The following ADAM12 variants were observed in gnomAD, a reference collection of about 807,000 sequenced individuals.
ADAM12 encodes the protein disintegrin and metalloproteinase domain-containing protein 12.
ADAM12 carries 70 observed loss-of-function variants against 106.4 expected under a neutral mutation model. The ratio of observed to expected loss-of-function variants is 0.66; its 90% confidence interval spans 0.54 to 0.80. ADAM12 has a LOEUF of 0.80. Ranked by LOEUF, ADAM12 falls within the 30% of genes least tolerant of loss-of-function variation. The pLI is 0.00. For missense variants in ADAM12, 1,010 were observed against 1,171.9 expected, an observed-to-expected ratio of 0.86 and a Z score of 2.02; for synonymous variants, 420 against 433.5, an observed-to-expected ratio of 0.97 and a Z score of 0.39.
intron 22 of ADAM12, 69 bp downstream of exon 22, chr10:126,019,626 T>G: frequency 1.3e-6 from 2 of 1,565,342 alleles, no homozygotes; most frequent in Non-Finnish European, 1.7e-6. Context: ...TGTCCTGGCT[T>G]GGATTAGTCG....
chr10:126,350,312 T>G (rs1275157254), intron 1 of ADAM12, among the ~76,000 whole-genome samples: 1 of 152,224 alleles, frequency 6.6e-6, no homozygotes, highest in Non-Finnish European at 1.5e-5. Flanking sequence ...GTTTTTCAAC[T>G]TGACAGTATC....
chr10:126,368,356 G>GT (rs34317249), intron 1 of ADAM12, among the ~76,000 whole-genome samples: 4,840 of 118,390 alleles, frequency 0.041, 210 homozygotes, highest in African/African-American at 0.11. Flanking sequence ...TGTGTGATTT[G>GT]TTTTTTTTTT....
chr10:126,302,428 A>G (rs1245268195), intron 2 of ADAM12, among the ~76,000 whole-genome samples: 2 of 152,216 alleles, frequency 1.3e-5, no homozygotes, highest in East Asian at 3.8e-4. Flanking sequence ...GTCTTTTATT[A>G]TACGATACTT....
At chr10:126,282,957 A>G (rs2133762501) in intron 2 of ADAM12, among the ~76,000 whole-genome samples, 1 of 152,192 alleles carries the variant, frequency 6.6e-6, no homozygotes, top group Non-Finnish European at 1.5e-5. Context: ...ATTGTAATAC[A>G]TAATGAAATA....
chr10:126,324,769 A>G (rs1319451376), intron 2 of ADAM12, among the ~76,000 whole-genome samples: 1 of 152,086 alleles, frequency 6.6e-6, no homozygotes, highest in African/African-American at 2.4e-5. Flanking sequence ...GGGACAATAC[A>G]TTTGCATAAT....
intron 4 of ADAM12, among the ~76,000 whole-genome samples, chr10:126,144,242 G>T (rs1956582571): frequency 1.3e-5 from 2 of 152,212 alleles, no homozygotes; most frequent in South Asian, 2.1e-4. Context: ...GATCCATCCA[G>T]AATTGGAAAT....
intron 4 of ADAM12, among the ~76,000 whole-genome samples, chr10:126,145,850 T>C (rs1956616887): frequency 6.6e-6 from 1 of 152,214 alleles, no homozygotes; most frequent in Non-Finnish European, 1.5e-5. Flanking sequence ...AATGAATGAC[T>C]GAATAAACAT....
chr10:126,313,463 G>C (rs1034317706), intron 2 of ADAM12, among the ~76,000 whole-genome samples: 1 of 152,136 alleles, frequency 6.6e-6, no homozygotes, highest in African/African-American at 2.4e-5. Flanking sequence ...CAAAGTATGG[G>C]GTCAAAGTCT....
chr10:126,081,105 T>G (rs764412507), intron 11 of ADAM12, among the ~76,000 whole-genome samples: 1 of 150,952 alleles, frequency 6.6e-6, no homozygotes, highest in Admixed American at 6.6e-5. Flanking sequence ...TCAAGGGGGC[T>G]GCAGGTCAGG....
chr10:126,361,314 T>C lies in ADAM12; in HGVS notation c.88+26744A>G, dbSNP rs1855736100. Among the ~76,000 whole-genome samples, 4 of 152,212 alleles carry C rather than the reference T, an allele frequency of 2.6e-5. No homozygotes were observed. In the South Asian group the frequency reaches 6.2e-4, roughly 24 times the overall value. On this transcript the variant is annotated intron_variant, in intron 1 of 22. Transcript: ENST00000448723. ...ACATAAATAAATGAAAGATAGTCCA[T>C]GTTCATGGATTGAAAGAATGAGTAT...
intron 8 of ADAM12, among the ~76,000 whole-genome samples, chr10:126,104,708 T>C (rs1330949252): frequency 6.6e-6 from 1 of 152,172 alleles, no homozygotes; most frequent in African/African-American, 2.4e-5. Flanking sequence ...GTGTCAGACA[T>C]GCCTTCTGTG....
In ADAM12 at chr10:126,189,087, GACAA is replaced by G. The variant is rs1348894601; in HGVS notation, c.261-33786_261-33783del. Among the ~76,000 whole-genome samples, 3 of 152,284 alleles carry G rather than the reference GACAA, an allele frequency of 2.0e-5. No individual in the cohort carries two copies. In the East Asian group the frequency reaches 5.8e-4, roughly 29 times the overall value. ...AGAAGCCCACATCCTAGAGTAGGGA[GACAA>G]ATGCAGATACAATGAGAGCTTTAGG... On this transcript the variant is annotated intron_variant, in intron 3 of 22. Transcript: ENST00000448723.
At chr10:126,333,093 G>C (rs1011785871) in intron 1 of ADAM12, among the ~76,000 whole-genome samples, 1 of 152,186 alleles carries the variant, frequency 6.6e-6, no homozygotes. Flanking sequence ...ACGGGCATTG[G>C]CGTAGTCTTT....
At chr10:126,225,772 T>C (rs1194985505) in intron 3 of ADAM12, among the ~76,000 whole-genome samples, 1 of 152,134 alleles carries the variant, frequency 6.6e-6, no homozygotes, top group African/African-American at 2.4e-5. Context: ...CTCACAGAAC[T>C]GTGGCTGGGA....
At chr10:126,076,446 C>G (rs1955103983) in intron 11 of ADAM12, among the ~76,000 whole-genome samples, 1 of 152,140 alleles carries the variant, frequency 6.6e-6, no homozygotes, top group Admixed American at 6.5e-5. Flanking sequence ...AGTGGGGTTG[C>G]TGGGTCAAAT....
In ADAM12 at chr10:126,093,980, C is replaced by T; in HGVS notation, c.1145+5G>A. ...GTCAAAGCAGATGGAAGCAATGGTA[C>T]TTGCCCGGTGGAAGCGTTCATGATG... On this transcript the variant is annotated splice_donor_5th_base_variant and intron_variant, in intron 11 of 22. Transcript: ENST00000448723. The T allele has an allele frequency of 6.2e-7, 1 of 1,614,066 alleles. No individual in the cohort carries two copies. The highest frequency in any genetic ancestry group is 8.5e-7 in the Non-Finnish European group (1 of 1,179,948).
chr10:126,154,045 CA>C (rs1956772545), intron 4 of ADAM12, among the ~76,000 whole-genome samples: 1 of 152,200 alleles, frequency 6.6e-6, no homozygotes, highest in Non-Finnish European at 1.5e-5. Context: ...CTCTTTTTCA[CA>C]GAGGAAAGCA....
intron 11 of ADAM12, among the ~76,000 whole-genome samples, chr10:126,089,660 A>G (rs1023216498): frequency 3.3e-5 from 5 of 152,164 alleles, no homozygotes; most frequent in Admixed American, 1.3e-4. Context: ...GCTCTGGCCA[A>G]CTGGGCTTTG....
intron 3 of ADAM12, among the ~76,000 whole-genome samples, chr10:126,185,461 T>G (rs1565123153): frequency 6.7e-6 from 1 of 149,010 alleles, no homozygotes; most frequent in Non-Finnish European, 1.5e-5. Flanking sequence ...TGCTGGAATA[T>G]CTTGATTTCT....
Sources: gnomAD v4.1 joint callset for allele counts (sites outside exome capture counted in the v4.1 genomes callset) on GRCh38, gnomAD v4.1.1 for gene constraint, MANE v1.5 for transcripts, NCBI Gene and HGNC (gene_info 2026-07-23, HGNC 2026-07-21) for gene names.